Variants in GGT1 observed in about 807,000 individuals in gnomAD.
The protein encoded by GGT1 is glutathione hydrolase 1 proenzyme.
In GGT1, 21 loss-of-function variants were observed where a neutral mutation model predicts 56.0. The ratio of observed to expected loss-of-function variants is 0.38; its 90% CI spans 0.27 to 0.54. The LOEUF (loss-of-function observed/expected upper bound fraction) is 0.54, where lower values mean the gene tolerates loss of function less well. GGT1 is among the 20% of genes least tolerant of loss of function. The pLI is 0.82. For missense variants in GGT1, 466 were observed against 787.0 expected, an observed-to-expected ratio of 0.59 and a Z score of 4.88; for synonymous variants, 238 against 342.6, an observed-to-expected ratio of 0.69 and a Z score of 3.37.
At chr22:24,626,382 T>TC (rs1555901934) in intron 11 of GGT1, among the ~76,000 whole-genome samples, 2 of 79,364 alleles carry the variant, frequency 2.5e-5, no homozygotes, top group African/African-American at 5.3e-5. Flanking sequence ...GACCTCCTCA[T>TC]CTCCTCGCCA....
upstream of GGT1, among the ~76,000 whole-genome samples, chr22:24,594,384 CGTGTGTATGTGT>C (rs1187338407): frequency 1.3e-3 from 177 of 140,192 alleles, 2 homozygotes; most frequent in African/African-American, 4.6e-3. Context: ...GCCAAGCACC[CGTGTGTATGTGT>C]GTGTGTGTGT....
upstream of GGT1, among the ~76,000 whole-genome samples, chr22:24,602,519 G>A (rs1343434315): frequency 1.3e-5 from 2 of 152,206 alleles, no homozygotes; most frequent in Admixed American, 6.6e-5. Context: ...CGCTGTGGGG[G>A]CACCCACCCC....
chr22:24,591,184 A>G (rs2045557264), upstream of GGT1, among the ~76,000 whole-genome samples: 1 of 152,200 alleles, frequency 6.6e-6, no homozygotes, highest in Admixed American at 6.5e-5. Flanking sequence ...GGTTCAAGCA[A>G]TTCTCCTGCC....
At chr22:24,592,829 C>T, upstream of GGT1, 1 of 1,270,544 alleles carries the variant, frequency 7.9e-7, no homozygotes, top group South Asian at 2.3e-5. Flanking sequence ...CCTCCCTGGC[C>T]GCCAGCCCAG....
chr22:24,617,601 CT>C (rs2047154174), intron 7 of GGT1, among the ~76,000 whole-genome samples: 2 of 151,918 alleles, frequency 1.3e-5, no homozygotes, highest in South Asian at 4.2e-4. Flanking sequence ...CCGGGGACCC[CT>C]GATCTTTTGT....
the GGT1 span, chr22:24,588,222 G>C: frequency 4.3e-6 from 7 of 1,612,424 alleles, no homozygotes; most frequent in Non-Finnish European, 5.9e-6. Context: ...ACCAGCTCTG[G>C]GTCTTCCTCT....
intron 5 of GGT1, among the ~76,000 whole-genome samples, chr22:24,612,244 C>CTTT (rs796939700): frequency 1.5e-4 from 11 of 75,358 alleles, no homozygotes; most frequent in East Asian, 1.0e-3. Context: ...CCGGCTTATT[C>CTTT]TTTTTTTTTT....
chr22:24,599,719 AT>A (rs1233598696), upstream of GGT1, among the ~76,000 whole-genome samples: 1 of 152,214 alleles, frequency 6.6e-6, no homozygotes, highest in Non-Finnish European at 1.5e-5. Flanking sequence ...CATCTGAAAC[AT>A]TAGCCAGCAG....
chr22:24,628,113 A>G lies in GGT1; in HGVS notation c.1369A>G (p.Ile457Val), dbSNP rs544283699. 11 of 1,611,796 alleles carry G rather than the reference A, an allele frequency of 6.8e-6. No individual in the cohort carries two copies. Among genetic ancestry groups the G allele is most frequent in the Non-Finnish European group, 9.3e-6 (11 of 1,179,836 alleles). The change falls in exon 14 of 16, where the codon ATC (isoleucine) becomes GTC (valine). Residue 457 changes from isoleucine (I) to valine (V), a missense_variant. This residue lies in a region of GGT1 where 456 missense variants were observed against 716.7 expected (regional missense o/e 0.64). Transcript: ENST00000400382. This position sits in a 1 kb window ranked among gnomAD's most constrained non-coding sequence, Gnocchi z 5.7. ...KQPLSSMCPT[I>V]MVGQDGQVRM... ...GCCGCTCTCGTCCATGTGCCCGACGATCATGGTGGGCCAGGACGGCCAGGT... is the reference window on the plus strand; with the variant it reads ...GCCGCTCTCGTCCATGTGCCCGACGGTCATGGTGGGCCAGGACGGCCAGGT...
chr22:24,623,430 G>A (rs2047554195), intron 10 of GGT1, among the ~76,000 whole-genome samples, 174 bp downstream of exon 10: 1 of 151,880 alleles, frequency 6.6e-6, no homozygotes, highest in Admixed American at 6.6e-5. Flanking sequence ...GCAGTGCAGA[G>A]CGACAGGGCT....
upstream of GGT1, among the ~76,000 whole-genome samples, chr22:24,599,708 G>A (rs965393045): frequency 5.3e-5 from 8 of 152,184 alleles, no homozygotes; most frequent in African/African-American, 1.7e-4. Flanking sequence ...TCCACCTGGC[G>A]CATCTGAAAC....
At chr22:24,611,554 CTATCTATCTATCT>C (rs1569054982) in intron 5 of GGT1, among the ~76,000 whole-genome samples, 5 of 62,994 alleles carry the variant, frequency 7.9e-5, no homozygotes, top group African/African-American at 2.2e-4. Flanking sequence ...ATCTATCTAT[CTATCTATCTATCT>C]ATCTATCTAT....
At chr22:24,623,009 C>T in intron 9 of GGT1, 98 bp from the exon 10 acceptor site, 1 of 1,469,962 alleles carries the variant, frequency 6.8e-7, no homozygotes, top group Non-Finnish European at 9.4e-7. Context: ...CACCATGGTG[C>T]AGCCATGCCT....
intron 7 of GGT1, among the ~76,000 whole-genome samples, chr22:24,615,425 C>A (rs549759585): frequency 6.6e-6 from 1 of 152,336 alleles, no homozygotes; most frequent in African/African-American, 2.4e-5. Flanking sequence ...GGGGCCCACA[C>A]TCTGCTCTGT....
At chr22:24,583,800 A>G in the GGT1 span, 9 of 471,086 alleles carry the variant, frequency 1.9e-5, no homozygotes, top group South Asian at 1.1e-4. Context: ...GTCCTCGCAC[A>G]CCATCCTGGT....
chr22:24,593,080 C>T, upstream of GGT1: 1 of 1,035,786 alleles, frequency 9.7e-7, no homozygotes, highest in East Asian at 8.6e-5. Flanking sequence ...GGAGGCCGGG[C>T]TGTCTGCGCC....
upstream of GGT1, chr22:24,592,201 TC>T (rs1345123211): frequency 2.3e-6 from 1 of 428,988 alleles, no homozygotes; most frequent in African/African-American, 2.0e-5. Context: ...GGGGTTGGGA[TC>T]TGGGTTTAGT....
the GGT1 span, chr22:24,585,805 GTCC>G: frequency 1.5e-6 from 2 of 1,342,750 alleles, no homozygotes; most frequent in Admixed American, 5.3e-5. Flanking sequence ...GGGCCTGTGA[GTCC>G]TCCTTGACCT....
chr22:24,610,176 T>A, intron 3 of GGT1, 74 bp from the exon 4 acceptor site: 1 of 330,206 alleles, frequency 3.0e-6, no homozygotes, highest in South Asian at 2.2e-5. Flanking sequence ...AAACCCTCTT[T>A]GAGCTGTGCC....
Sources: gnomAD v4.1 joint callset for allele counts (sites outside exome capture counted in the v4.1 genomes callset) on GRCh38, gnomAD v4.1.1 for gene constraint, gnomAD v4.1.1 regional missense constraint, Gnocchi (gnomAD v3.1) non-coding constraint, MANE v1.5 for transcripts, NCBI Gene and HGNC (gene_info 2026-07-23, HGNC 2026-07-21) for gene names.